The following METTL25 variants were observed in gnomAD, a reference collection of about 807,000 sequenced individuals.
The protein encoded by METTL25 is methyltransferase like 25.
Under a neutral mutation model 71.6 loss-of-function variants are expected in METTL25, and 64 were observed. The ratio of observed to expected loss-of-function variants is 0.89; its 90% CI spans 0.73 to 1.10. METTL25 has a LOEUF of 1.10. Ranked by LOEUF, METTL25 falls within the 50% of genes least tolerant of loss-of-function variation. METTL25 has a pLI of 0.00. For missense variants in METTL25, 807 were observed against 707.0 expected, an observed-to-expected ratio of 1.14 and a Z score of -1.60; for synonymous variants, 287 against 250.3, an observed-to-expected ratio of 1.15 and a Z score of -1.38.
chr12:82,473,309 T>C (rs1892674465), intron 9 of METTL25, among the ~76,000 whole-genome samples: 1 of 152,060 alleles, frequency 6.6e-6, no homozygotes, highest in African/African-American at 2.4e-5. Flanking sequence ...GGGGTGTGGC[T>C]GCCAAGAGCT....
chr12:82,361,586 T>C (rs943864288), intron 1 of METTL25, among the ~76,000 whole-genome samples: 4 of 151,914 alleles, frequency 2.6e-5, no homozygotes, highest in Non-Finnish European at 5.9e-5. Context: ...TGAGGCCCGG[T>C]GAGAATTCAA....
rs892329203 is a variant in METTL25, at chr12:82,435,847, G to C, written c.1404+1123G>C. ...AATAATTATGATCATGAAAATAATA[G>C]CTAAATTTAATACAGAGCTTACCAA... On this transcript the variant is annotated intron_variant, in intron 7 of 11. Transcript: ENST00000248306. Among the ~76,000 whole-genome samples the C allele has an allele frequency of 2.6e-5, 4 of 151,224 alleles. No homozygotes were observed. The Admixed American group carries it at 2.6e-4, about 10-fold the overall frequency.
chr12:82,359,518 A>C (rs1306398924), intron 1 of METTL25, among the ~76,000 whole-genome samples: 1 of 152,244 alleles, frequency 6.6e-6, no homozygotes, highest in East Asian at 1.9e-4. Context: ...TGAAAAGATA[A>C]CTGTGAATTA....
chr12:82,472,966 G>A (rs995277513), intron 9 of METTL25, among the ~76,000 whole-genome samples: 2 of 152,152 alleles, frequency 1.3e-5, no homozygotes, highest in Middle Eastern at 3.2e-3. Context: ...AGTAGGTTTC[G>A]TAAGTAAAGG....
At chr12:82,397,990 C>G (rs1208506965) in intron 3 of METTL25, among the ~76,000 whole-genome samples, 2 of 151,888 alleles carry the variant, frequency 1.3e-5, no homozygotes, top group African/African-American at 2.4e-5. Context: ...ATAATATCTA[C>G]TTATCAATTT....
chr12:82,386,997 C>T, intron 2 of METTL25, 30 bp downstream of exon 2: 1 of 1,562,556 alleles, frequency 6.4e-7, no homozygotes, highest in Non-Finnish European at 8.7e-7. Flanking sequence ...TGTATGTGTG[C>T]TTTTTAGGTA....
chr12:82,453,936 A>G (rs1359179150), intron 8 of METTL25, among the ~76,000 whole-genome samples: 3 of 152,144 alleles, frequency 2.0e-5, no homozygotes, highest in Non-Finnish European at 4.4e-5. Context: ...AGTCTCAAAC[A>G]TATTTTTATG....
chr12:82,379,136 C>T (rs563204837), intron 1 of METTL25, among the ~76,000 whole-genome samples: 3 of 152,174 alleles, frequency 2.0e-5, no homozygotes, highest in Admixed American at 6.5e-5. Context: ...AGATATTGGT[C>T]TTCTCAGTAA....
At chr12:82,364,212 T>G (rs544248521) in intron 1 of METTL25, among the ~76,000 whole-genome samples, 38 of 152,340 alleles carry the variant, frequency 2.5e-4, no homozygotes, top group Non-Finnish European at 3.8e-4. Flanking sequence ...GGGCTGTAGT[T>G]GCTGAAGGCT....
chr12:82,478,788 A>T, intron 11 of METTL25, 144 bp from the exon 12 acceptor site: 1 of 615,268 alleles, frequency 1.6e-6, no homozygotes, highest in Non-Finnish European at 2.7e-6. Context: ...TGTGAATGTT[A>T]ATTTTGTTTA....
chr12:82,365,210 G>C (rs1213479363), intron 1 of METTL25, among the ~76,000 whole-genome samples: 1 of 152,212 alleles, frequency 6.6e-6, no homozygotes, highest in South Asian at 2.1e-4. Flanking sequence ...TATGATCATT[G>C]TGTATGATAA....
intron 9 of METTL25, among the ~76,000 whole-genome samples, chr12:82,469,317 G>T (rs1361955665): frequency 6.6e-6 from 1 of 152,164 alleles, no homozygotes; most frequent in South Asian, 2.1e-4. Context: ...CCCGAGACTG[G>T]GTAATTTATA....
Position 82,413,422 on chromosome 12 carries a change from T to C in METTL25, c.1279+10292T>C, listed in dbSNP as rs536163443. Among the ~76,000 whole-genome samples, 15 of 152,244 alleles carry C rather than the reference T, an allele frequency of 9.9e-5. No individual in the cohort carries two copies. The South Asian group carries it at 3.1e-3, about 32-fold the overall frequency. On this transcript the variant is annotated intron_variant, in intron 5 of 11. Coordinates refer to ENST00000248306, the MANE Select transcript of METTL25 (RefSeq NM_032230.3). ...GGTTTTGTTACAGATAAGACAACTG[T>C]AATACAGTTTGATAGGTACTGTATT...
intron 1 of METTL25, among the ~76,000 whole-genome samples, chr12:82,377,302 C>T (rs1883977444): frequency 6.6e-6 from 1 of 152,124 alleles, no homozygotes; most frequent in Admixed American, 6.6e-5. Flanking sequence ...TAGGATTATG[C>T]AAAAAGACAA....
intron 4 of METTL25, 72 bp from the exon 5 acceptor site, chr12:82,402,910 TA>T: frequency 8.6e-7 from 1 of 1,159,432 alleles, no homozygotes; most frequent in Non-Finnish European, 1.2e-6. Flanking sequence ...ATCCTGTATG[TA>T]AAAATAAATA....
At chr12:82,369,991 A>C (rs896255663) in intron 1 of METTL25, among the ~76,000 whole-genome samples, 1 of 152,170 alleles carries the variant, frequency 6.6e-6, no homozygotes, top group Non-Finnish European at 1.5e-5. Flanking sequence ...CTAGCTAGAC[A>C]GAAAAGTTCT....
chr12:82,366,163 C>T (rs1882552822), intron 1 of METTL25, among the ~76,000 whole-genome samples: 1 of 152,076 alleles, frequency 6.6e-6, no homozygotes, highest in African/African-American at 2.4e-5. Flanking sequence ...GGAGACTATC[C>T]TAACAAATGA....
At chr12:82,478,324 A>AT (rs1002901040) in intron 11 of METTL25, among the ~76,000 whole-genome samples, 1 of 151,788 alleles carries the variant, frequency 6.6e-6, no homozygotes, top group South Asian at 2.1e-4. Flanking sequence ...TAGAAATGTT[A>AT]TTTTTAATAT....
intron 5 of METTL25, among the ~76,000 whole-genome samples, chr12:82,426,285 G>T (rs1445628983): frequency 6.6e-6 from 1 of 152,100 alleles, no homozygotes; most frequent in Non-Finnish European, 1.5e-5. Context: ...TGAGGCCACT[G>T]TGATCTCAGC....
Sources: gnomAD v4.1 joint callset for allele counts (sites outside exome capture counted in the v4.1 genomes callset) on GRCh38, gnomAD v4.1.1 for gene constraint, MANE v1.5 for transcripts, NCBI Gene and HGNC (gene_info 2026-07-23, HGNC 2026-07-21) for gene names.